TRERF1: variants seen among roughly 807,000 people sequenced by gnomAD.
The protein encoded by TRERF1 is transcriptional-regulating factor 1.
In TRERF1, 27 loss-of-function variants were observed where a neutral mutation model predicts 122.9. The ratio of observed to expected loss-of-function variants is 0.22; its 90% CI spans 0.16 to 0.30. The LOEUF (loss-of-function observed/expected upper bound fraction) is 0.30. TRERF1 is among the 10% of genes least tolerant of loss of function. The pLI is 1.00. For synonymous variants in TRERF1, 636 were observed against 641.7 expected, an observed-to-expected ratio of 0.99 and a Z score of 0.13; for missense variants, 1,248 against 1,560.3, an observed-to-expected ratio of 0.80 and a Z score of 3.37.
At chr6:42,255,035 C>CG (rs1262351235) in intron 12 of TRERF1, 109 bp from the exon 13 acceptor site, 3 of 1,090,512 alleles carry the variant, frequency 2.8e-6, no homozygotes, top group Admixed American at 3.7e-5. Context: ...AGGTCAGGGG[C>CG]GGGGGCACTG....
chr6:42,289,214 T>C (rs1162029560), intron 4 of TRERF1, among the ~76,000 whole-genome samples: 1 of 151,930 alleles, frequency 6.6e-6, no homozygotes, highest in African/African-American at 2.4e-5. Context: ...TAATTCCAGC[T>C]ACTCAGGAGG....
At chr6:42,277,974 A>AGAAGAG in intron 4 of TRERF1, among the ~76,000 whole-genome samples, 1 of 147,124 alleles carries the variant, frequency 6.8e-6, no homozygotes, top group South Asian at 2.1e-4. Flanking sequence ...AAGAAGAAGA[A>AGAAGAG]GACTGCAATA....
At chr6:42,295,387 T>C (rs928622583) in intron 4 of TRERF1, among the ~76,000 whole-genome samples, 6 of 152,160 alleles carry the variant, frequency 3.9e-5, no homozygotes, top group African/African-American at 1.4e-4. Flanking sequence ...CTATGAGTGG[T>C]CAAACACACT....
chr6:42,285,247 C>G (rs1416134482), intron 4 of TRERF1, among the ~76,000 whole-genome samples: 27 of 151,008 alleles, frequency 1.8e-4, no homozygotes, highest in East Asian at 2.0e-4. Flanking sequence ...TGAAGCAATT[C>G]TGAATGGGAG....
chr6:42,360,794 A>C lies in TRERF1; in HGVS notation c.-371+2203T>G, dbSNP rs866762320. ...ATTAAAAAAAAAAAAAAAAAAAAAAAAAAAAAAACCTGGATGGTTTAGGAT... is the reference window on the plus strand; with the variant it reads ...ATTAAAAAAAAAAAAAAAAAAAAAACAAAAAAAACCTGGATGGTTTAGGAT... On this transcript the variant is annotated intron_variant, in intron 3 of 17. Coordinates refer to ENST00000372922, the Ensembl canonical transcript of TRERF1. Among the ~76,000 whole-genome samples, 1,094 of 148,334 alleles carry C rather than the reference A, an allele frequency of 7.4e-3. 19 individuals carry two copies. The highest frequency in any genetic ancestry group is 0.025 in the African/African-American group (990 of 39,468).
At chr6:42,412,919 C>T (rs1319943042) in intron 2 of TRERF1, among the ~76,000 whole-genome samples, 1 of 152,086 alleles carries the variant, frequency 6.6e-6, no homozygotes, top group African/African-American at 2.4e-5. Flanking sequence ...ATGGCTGTGC[C>T]ATTGTACTCC....
chr6:42,375,003 C>CA (rs55696342), intron 2 of TRERF1, among the ~76,000 whole-genome samples: 10,915 of 87,322 alleles, frequency 0.12, 1,162 homozygotes, highest in African/African-American at 0.29. Flanking sequence ...AAGATTCTGT[C>CA]AAAAAAAAAA....
chr6:42,358,191 T>C (rs16895643), intron 3 of TRERF1, among the ~76,000 whole-genome samples: 5,735 of 152,234 alleles, frequency 0.038, 287 homozygotes, highest in East Asian at 0.24. Flanking sequence ...GGTTAAATAG[T>C]GGAAAAGGAA....
chr6:42,329,156 G>A (rs1404691248), intron 3 of TRERF1, among the ~76,000 whole-genome samples: 4 of 151,694 alleles, frequency 2.6e-5, no homozygotes, highest in Non-Finnish European at 4.4e-5. Flanking sequence ...GGTCCAACTC[G>A]TCTTGTCCTC....
At chr6:42,361,799 C>G (rs1390801492) in intron 3 of TRERF1, among the ~76,000 whole-genome samples, 2 of 152,248 alleles carry the variant, frequency 1.3e-5, no homozygotes, top group African/African-American at 4.8e-5. Flanking sequence ...CTCTGCCCCA[C>G]AGAGGCTCTG....
chr6:42,334,276 T>C lies in TRERF1; in HGVS notation c.-371+28721A>G, dbSNP rs571360496. ...AGACAGGAACCCCAGGAGATCTGCC[T>C]GTAGCAGCCACTGAGACACTCCTCC... On this transcript the variant is annotated intron_variant, in intron 3 of 17. Coordinates refer to ENST00000372922, the Ensembl canonical transcript of TRERF1. 6.6e-5 allele frequency among the ~76,000 whole-genome samples: 10 copies of C among 152,308 alleles called. No homozygotes were observed. The South Asian group carries it at 1.9e-3, about 28-fold the overall frequency.
At chr6:42,349,504 C>T (rs1449114854) in intron 3 of TRERF1, among the ~76,000 whole-genome samples, 3 of 152,070 alleles carry the variant, frequency 2.0e-5, no homozygotes, top group South Asian at 2.1e-4. Context: ...TAACTCCTCA[C>T]GAAACCTGTG....
Position 42,358,954 on chromosome 6 carries a change from G to A in TRERF1, c.-371+4043C>T, listed in dbSNP as rs544005590. On this transcript the variant is annotated intron_variant, in intron 3 of 17. Transcript: ENST00000372922. ...GTGCAACTAACAACCTACAGAAGAC[G>A]GAAGTCTAACTTTAGTCAACACTCA... 5.3e-5 allele frequency among the ~76,000 whole-genome samples: 8 copies of A among 152,158 alleles called. No individual in the cohort carries two copies. The East Asian group carries it at 9.6e-4, about 18-fold the overall frequency.
downstream of TRERF1, chr6:42,224,999 AAT>A (rs1359562258): frequency 1.3e-5 from 2 of 152,184 alleles, no homozygotes; most frequent in Admixed American, 6.5e-5. Context: ...TTCACAAATA[AAT>A]ATGACAGTGT....
chr6:42,310,926 A>G (rs2150348576), intron 3 of TRERF1, among the ~76,000 whole-genome samples: 1 of 152,316 alleles, frequency 6.6e-6, no homozygotes, highest in South Asian at 2.1e-4. Flanking sequence ...GCAAGGAAGA[A>G]ATTCCTTTTT....
chr6:42,388,067 A>G (rs1777103621), intron 2 of TRERF1, among the ~76,000 whole-genome samples: 1 of 152,174 alleles, frequency 6.6e-6, no homozygotes, highest in Non-Finnish European at 1.5e-5. Flanking sequence ...GATTACAGGC[A>G]TAAGCCACTG....
chr6:42,432,424 A>C (rs1242429128), intron 2 of TRERF1, among the ~76,000 whole-genome samples: 2 of 152,248 alleles, frequency 1.3e-5, no homozygotes, highest in Non-Finnish European at 1.5e-5. Context: ...AAAATATACA[A>C]AGACATTTGT....
chr6:42,345,054 TG>T (rs2150752925), intron 3 of TRERF1, among the ~76,000 whole-genome samples: 1 of 152,158 alleles, frequency 6.6e-6, no homozygotes, highest in East Asian at 1.9e-4. Flanking sequence ...CATAATATAT[TG>T]TTAGGCAAAA....
chr6:42,401,550 T>C (rs1400249377), intron 2 of TRERF1, among the ~76,000 whole-genome samples: 3 of 152,110 alleles, frequency 2.0e-5, no homozygotes. Context: ...CATACAGACA[T>C]GCACAAAAAG....
Sources: allele counts gnomAD v4.1 joint callset (sites outside exome capture counted in the v4.1 genomes callset), GRCh38; gene constraint gnomAD v4.1.1; transcripts MANE v1.5; gene names NCBI Gene and HGNC (gene_info 2026-07-23, HGNC 2026-07-21).